Variants in PRKAR1B observed in about 807,000 individuals in gnomAD.
The protein encoded by PRKAR1B is cAMP-dependent protein kinase type I-beta regulatory subunit.
PRKAR1B carries 22 observed loss-of-function variants against 46.5 expected under a neutral mutation model. That is an observed-to-expected ratio of 0.47 (90% confidence interval 0.34 to 0.68). PRKAR1B has a LOEUF of 0.68. PRKAR1B is among the 30% of genes least tolerant of loss of function. The pLI is 0.01. For synonymous variants in PRKAR1B, 259 were observed against 217.7 expected, an observed-to-expected ratio of 1.19 and a Z score of -1.67; for missense variants, 445 against 535.6, an observed-to-expected ratio of 0.83 and a Z score of 1.67.
intron 9 of PRKAR1B, among the ~76,000 whole-genome samples, chr7:558,879 G>T (rs534560875): frequency 6.6e-6 from 1 of 152,206 alleles, no homozygotes; most frequent in Non-Finnish European, 1.5e-5. Flanking sequence ...CCAACGCTTC[G>T]GCTCAGAGGT....
intron 9 of PRKAR1B, among the ~76,000 whole-genome samples, chr7:564,570 A>T (rs1447454492): frequency 2.6e-5 from 4 of 152,174 alleles, no homozygotes; most frequent in Admixed American, 2.6e-4. Flanking sequence ...CCTCGACTCC[A>T]GCCACAGTGA....
chr7:574,176 G>A (rs1213671564), intron 9 of PRKAR1B, among the ~76,000 whole-genome samples: 1 of 152,244 alleles, frequency 6.6e-6, no homozygotes, highest in Admixed American at 6.5e-5. Flanking sequence ...GCTCTGCAGT[G>A]AATAATGGGT....
At chr7:562,201 G>C (rs1426924841) in intron 9 of PRKAR1B, among the ~76,000 whole-genome samples, 2 of 152,064 alleles carry the variant, frequency 1.3e-5, no homozygotes, top group African/African-American at 4.8e-5. Context: ...CGGGGAACCA[G>C]GGCGAGCACA....
intron 7 of PRKAR1B, among the ~76,000 whole-genome samples, chr7:585,674 A>T (rs1780555100): frequency 6.6e-6 from 1 of 152,056 alleles, no homozygotes; most frequent in African/African-American, 2.4e-5. Context: ...GGACACACTG[A>T]CCCACATCGA....
At chr7:668,139 A>G (rs1371228739) in intron 4 of PRKAR1B, among the ~76,000 whole-genome samples, 2 of 152,214 alleles carry the variant, frequency 1.3e-5, no homozygotes. Context: ...AGGTGGATGC[A>G]TCTGCAAAGG....
At chr7:594,971 G>T (rs957422852) in intron 7 of PRKAR1B, among the ~76,000 whole-genome samples, 4 of 152,228 alleles carry the variant, frequency 2.6e-5, no homozygotes, top group African/African-American at 9.6e-5. Context: ...CGCACGGGGT[G>T]CTGTCTACGC....
At chr7:642,859 G>A (rs1198450651) in intron 4 of PRKAR1B, among the ~76,000 whole-genome samples, 2 of 151,588 alleles carry the variant, frequency 1.3e-5, no homozygotes, top group Non-Finnish European at 2.9e-5. Context: ...GGGCGTGGAG[G>A]GGGCAGTGAG....
chr7:707,616 G>A (rs138176738), intron 2 of PRKAR1B, among the ~76,000 whole-genome samples: 145 of 152,260 alleles, frequency 9.5e-4, no homozygotes, highest in African/African-American at 3.2e-3. Context: ...GGGTCTTGAC[G>A]GAGGTGAGGA....
At chr7:709,137 G>T (rs1259915876) in intron 2 of PRKAR1B, among the ~76,000 whole-genome samples, 6 of 96,730 alleles carry the variant, frequency 6.2e-5, no homozygotes, top group African/African-American at 1.6e-4. Flanking sequence ...AAAAAAAAAG[G>T]AAACAACTCA....
Position 714,636 on chromosome 7 carries a change from G to A in PRKAR1B, c.-22-3109C>T, listed in dbSNP as rs1179277394. On this transcript the variant is annotated intron_variant, in intron 1 of 10. Transcript: ENST00000537384. The surrounding 1 kb of genome is among the most constrained non-coding windows in gnomAD (Gnocchi z 4.3). ...TCTCCAGACTGGCTCTGGTAGGAGT[G>A]CGAGGCGTGGCCCCCACCGCCCCAA... is the stretch of plus-strand genomic sequence containing the variant. Among the ~76,000 whole-genome samples, 1 of 152,148 alleles carries A rather than the reference G, an allele frequency of 6.6e-6. No individual in the cohort carries two copies. The highest frequency in any genetic ancestry group is 1.5e-5 in the Non-Finnish European group (1 of 68,026).
chr7:627,615 T>C (rs1034347126), intron 4 of PRKAR1B, among the ~76,000 whole-genome samples: 1 of 152,158 alleles, frequency 6.6e-6, no homozygotes, highest in African/African-American at 2.4e-5. Flanking sequence ...ACCCCAGTAC[T>C]GAGCTTGACA....
chr7:727,181 A>T (rs1583468211), intron 1 of PRKAR1B, 29 bp downstream of exon 1: 2 of 1,337,934 alleles, frequency 1.5e-6, no homozygotes, highest in African/African-American at 1.5e-5. Context: ...CTGGCCGTGG[A>T]CCTGTGCGGC....
intron 4 of PRKAR1B, among the ~76,000 whole-genome samples, chr7:656,727 G>A (rs536676796): frequency 3.2e-4 from 49 of 152,292 alleles, no homozygotes; most frequent in Admixed American, 3.2e-3. Flanking sequence ...ATGAGTGGAT[G>A]GATGTGTAAA....
intron 4 of PRKAR1B, among the ~76,000 whole-genome samples, chr7:617,715 G>C (rs1209473230): frequency 6.6e-6 from 1 of 152,176 alleles, no homozygotes; most frequent in African/African-American, 2.4e-5. Flanking sequence ...GTCCTGGCAG[G>C]AGGCAGAGCC....
At chr7:648,956 G>A (rs1452007026) in intron 4 of PRKAR1B, among the ~76,000 whole-genome samples, 2 of 152,088 alleles carry the variant, frequency 1.3e-5, no homozygotes, top group African/African-American at 4.8e-5. Context: ...CTGAGGTCAG[G>A]GGTTCAAGGC....
chr7:685,900 T>C (rs1043351679), intron 2 of PRKAR1B, among the ~76,000 whole-genome samples: 4 of 152,100 alleles, frequency 2.6e-5, no homozygotes, highest in Non-Finnish European at 1.5e-5. Context: ...TATATAAATA[T>C]TATCAATATG....
intron 9 of PRKAR1B, among the ~76,000 whole-genome samples, chr7:574,906 A>C (rs1681796436): frequency 6.6e-6 from 1 of 152,262 alleles, no homozygotes; most frequent in Non-Finnish European, 1.5e-5. Context: ...TAGAGCAACT[A>C]AAGATATCTG....
In PRKAR1B at chr7:667,115, G is replaced by A. The variant is rs1276713162; in HGVS notation, c.440+10114C>T. Reference sequence around the variant, plus strand: ...TGATGGTGGTGATAACGATGATGATGGCAATGGTGGTGATGAGGATGGTGG... The same window carrying A: ...TGATGGTGGTGATAACGATGATGATAGCAATGGTGGTGATGAGGATGGTGG... On this transcript the variant is annotated intron_variant, in intron 4 of 10. Coordinates refer to ENST00000537384, the MANE Select transcript of PRKAR1B (RefSeq NM_001164760.2). The surrounding 1 kb of genome is among the most constrained non-coding windows in gnomAD (Gnocchi z 4.3). Among the ~76,000 whole-genome samples, 1 of 150,902 alleles carries A rather than the reference G, an allele frequency of 6.6e-6. No homozygotes were observed. Among genetic ancestry groups the A allele is most frequent in the African/African-American group, 2.5e-5 (1 of 40,694 alleles).
rs956900542 is a variant in PRKAR1B at position 644,386 on chromosome 7, C to T, written c.440+32843G>A. ...GAAACTGAGGCGCGCACATTCGGAA[C>T]GGGGTTTTGCTCCTCCTTGGGTGTG... On this transcript the variant is annotated intron_variant, in intron 4 of 10. Transcript: ENST00000537384. The surrounding 1 kb of genome is among the most constrained non-coding windows in gnomAD (Gnocchi z 4.9). 1.3e-5 allele frequency among the ~76,000 whole-genome samples: 2 copies of T among 152,162 alleles called. No homozygotes were observed. The highest frequency in any genetic ancestry group is 2.1e-4 in the South Asian group (1 of 4,832).
Sources: gnomAD v4.1 joint callset for allele counts (sites outside exome capture counted in the v4.1 genomes callset) on GRCh38, gnomAD v4.1.1 for gene constraint, Gnocchi (gnomAD v3.1) non-coding constraint, MANE v1.5 for transcripts, NCBI Gene and HGNC (gene_info 2026-07-23, HGNC 2026-07-21) for gene names.